Variants in MEF2C observed in about 807,000 individuals in gnomAD.
MEF2C encodes myocyte enhancer factor 2C.
MEF2C carries 6 observed loss-of-function variants against 50.5 expected under a neutral mutation model. The observed-to-expected ratio is 0.12, with a 90% CI of 0.07 to 0.23. The LOEUF (loss-of-function observed/expected upper bound fraction) is 0.23, where lower values mean the gene tolerates loss of function less well. MEF2C is among the 10% of genes least tolerant of loss of function. MEF2C has a pLI of 1.00. For synonymous variants in MEF2C, 183 were observed against 228.0 expected (o/e 0.80, Z 1.78); for missense variants, 276 against 605.0 (o/e 0.46, Z 5.70).
chr5:88,779,916 G>C lies in MEF2C; in HGVS notation c.259-18588C>G, dbSNP rs951602964. Among the ~76,000 whole-genome samples the C allele has an allele frequency of 3.8e-4, 58 of 152,048 alleles. 1 individual carries two copies. The highest frequency in any genetic ancestry group is 1.4e-3 in the African/African-American group (58 of 41,506). ...TCCCAGCACTTTGGGAGGCCAAGGC[G>C]GGTGGGTCACTTGAGGTCAGGAGTT... On this transcript the variant is annotated intron_variant, in intron 3 of 10. Transcript: ENST00000504921.
chr5:88,777,678 G>A (rs1023352548), intron 3 of MEF2C, among the ~76,000 whole-genome samples: 4 of 152,022 alleles, frequency 2.6e-5, no homozygotes, highest in East Asian at 1.9e-4. Flanking sequence ...TGTTTGTAAC[G>A]GAATTCATTT....
At chr5:88,843,353 C>CAA in intron 1 of MEF2C, 4 of 982,846 alleles carry the variant, frequency 4.1e-6, no homozygotes, top group Non-Finnish European at 4.8e-6. Flanking sequence ...TGGTTCCCCC[C>CAA]AAAAAAAACC....
intron 3 of MEF2C, among the ~76,000 whole-genome samples, chr5:88,773,980 G>A (rs906277529): frequency 6.6e-6 from 1 of 152,206 alleles, no homozygotes; most frequent in South Asian, 2.1e-4. Flanking sequence ...ATGGTTGCTG[G>A]TCAGGGGACA....
At chr5:88,788,713 G>A (rs2152946662) in intron 3 of MEF2C, among the ~76,000 whole-genome samples, 1 of 152,248 alleles carries the variant, frequency 6.6e-6, no homozygotes, top group South Asian at 2.1e-4. Context: ...AGCCACATGT[G>A]GCTAGGCTAC....
intron 3 of MEF2C, chr5:88,769,896 T>C: frequency 1.1e-6 from 1 of 911,062 alleles, no homozygotes; most frequent in South Asian, 5.1e-5. Flanking sequence ...TCCACCCACC[T>C]AAGCCTCCTA....
chr5:88,738,542 G>A (rs1219966427), intron 6 of MEF2C: 3 of 910,500 alleles, frequency 3.3e-6, no homozygotes, highest in Non-Finnish European at 3.9e-6. Flanking sequence ...ATCAACTGGT[G>A]AAGCTATGAT....
upstream of MEF2C, chr5:88,883,578 G>T (rs1048993302): frequency 1.3e-5 from 2 of 152,092 alleles, no homozygotes; most frequent in African/African-American, 2.4e-5. Flanking sequence ...ACGAATGGTT[G>T]GGGTTCTAAG....
rs35894214 is a variant in MEF2C at position 88,848,669 on chromosome 5, TA to T, written c.-142-24740del. ...GATGAAAATTAAGTTTGGATTTTGG[TA>T]AAAAAATTGACACTCCTGGGGATAC... On this transcript the variant is annotated intron_variant, in intron 1 of 10. Coordinates refer to ENST00000504921, the MANE Select transcript of MEF2C (RefSeq NM_002397.5). Among the ~76,000 whole-genome samples the T allele has an allele frequency of 3.4e-4, 51 of 152,122 alleles. 1 individual carries two copies. Among genetic ancestry groups the T allele is most frequent in the African/African-American group, 1.1e-3 (46 of 41,418 alleles).
At chr5:88,894,588 T>C (rs1834923451) in intron 1 of MEF2C, among the ~76,000 whole-genome samples, 1 of 152,216 alleles carries the variant, frequency 6.6e-6, no homozygotes, top group Non-Finnish European at 1.5e-5. Context: ...TTTCCAAAAG[T>C]AAATCCAAGC....
At chr5:88,889,658 T>TG (rs914138514) in intron 1 of MEF2C, among the ~76,000 whole-genome samples, 2 of 142,624 alleles carry the variant, frequency 1.4e-5, no homozygotes, top group African/African-American at 5.3e-5. Context: ...AAGTCACGGC[T>TG]GGGGGAAAAG....
intron 1 of MEF2C, among the ~76,000 whole-genome samples, chr5:88,835,849 T>C (rs1236141852): frequency 6.6e-6 from 1 of 150,786 alleles, no homozygotes; most frequent in African/African-American, 2.4e-5. Flanking sequence ...TTATAAATTC[T>C]AATAAATAGA....
intron 3 of MEF2C, among the ~76,000 whole-genome samples, chr5:88,767,466 G>T (rs192835974): frequency 6.6e-6 from 1 of 151,940 alleles, no homozygotes; most frequent in Non-Finnish European, 1.5e-5. Flanking sequence ...CTTTAATTAG[G>T]CAAGCAAATC....
At chr5:88,727,097 A>G (rs898680199) in intron 10 of MEF2C, among the ~76,000 whole-genome samples, 1 of 152,118 alleles carries the variant, frequency 6.6e-6, no homozygotes, top group African/African-American at 2.4e-5. Flanking sequence ...ACATGTACAT[A>G]TTTTTTAGTT....
intron 1 of MEF2C, among the ~76,000 whole-genome samples, chr5:88,878,424 T>C (rs1227939199): frequency 6.6e-6 from 1 of 151,950 alleles, no homozygotes; most frequent in African/African-American, 2.4e-5. Context: ...AGAGAGCTGT[T>C]TGAAATCACA....
In MEF2C at chr5:88,773,313, T is replaced by C. The variant is rs540271805; in HGVS notation, c.259-11985A>G. On this transcript the variant is annotated intron_variant, in intron 3 of 10. Transcript: ENST00000504921. ...AACACATAGAGGGCACTTATTAGGT[T>C]TGTATACATACTGTACATATACACT... is the stretch of plus-strand genomic sequence containing the variant. Among the ~76,000 whole-genome samples the C allele has an allele frequency of 3.3e-5, 5 of 152,304 alleles. No individual in the cohort carries two copies. In the East Asian group the frequency reaches 9.6e-4, roughly 29 times the overall value.
chr5:88,869,923 TTAG>T (rs891677476), intron 1 of MEF2C, among the ~76,000 whole-genome samples: 29 of 151,366 alleles, frequency 1.9e-4, no homozygotes, highest in African/African-American at 5.6e-4. Flanking sequence ...TGGGTTTAAC[TTAG>T]TGGTGTCAAA....
chr5:88,792,387 G>A (rs10462335), intron 3 of MEF2C, among the ~76,000 whole-genome samples: 54,483 of 151,936 alleles, frequency 0.36, 11,533 homozygotes, highest in East Asian at 0.55. Flanking sequence ...TTAGTTTTAT[G>A]GTGAGTGTTT....
rs576838714 is a variant in MEF2C at position 88,740,671 on chromosome 5, C to T, written c.637+8399G>A. 8.1e-6 allele frequency: 8 copies of T among 983,338 alleles called. 1 individual carries two copies. The South Asian group carries it at 3.8e-4, about 46-fold the overall frequency. The allele number at this position is 983,338 out of a possible 1,614,324, so 60.9% of individuals were successfully genotyped here. A position where few individuals can be genotyped will look rare whatever the true frequency, so the allele number is the denominator to read the frequency against. On this transcript the variant is annotated intron_variant, in intron 6 of 10. Transcript: ENST00000504921. ...GGAAGAAATTGACAATCTGATGTCT[C>T]CAGTACAAAAAAAAAAAAAACCCAA... is the stretch of plus-strand genomic sequence containing the variant.
At chr5:88,769,785 C>T (rs1435012932) in intron 3 of MEF2C, among the ~76,000 whole-genome samples, 1 of 152,092 alleles carries the variant, frequency 6.6e-6, no homozygotes, top group African/African-American at 2.4e-5. Flanking sequence ...GCTGGAATTA[C>T]AGGTGTGTGC....
Sources: allele counts gnomAD v4.1 joint callset (sites outside exome capture counted in the v4.1 genomes callset), GRCh38; gene constraint gnomAD v4.1.1; transcripts MANE v1.5; gene names NCBI Gene and HGNC (gene_info 2026-07-23, HGNC 2026-07-21).